DIP2A: variants seen among roughly 807,000 people sequenced by gnomAD.
DIP2A encodes the protein DIP2 acetate--CoA ligase A.
A neutral mutation model predicts 177.4 loss-of-function variants in DIP2A; 85 were observed. The observed-to-expected ratio is 0.48, with a 90% CI of 0.40 to 0.57. The LOEUF (loss-of-function observed/expected upper bound fraction) is 0.57. Ranked by LOEUF, DIP2A falls within the 20% of genes least tolerant of loss-of-function variation. The probability of loss-of-function intolerance (pLI) is 0.00; values close to 1 mark genes in which losing one functional copy is unlikely to be tolerated. For missense variants in DIP2A, 1,791 were observed against 2,100.2 expected (o/e 0.85, Z 2.88); for synonymous variants, 886 against 881.8 (o/e 1.00, Z -0.08).
downstream of DIP2A, among the ~76,000 whole-genome samples, chr21:46,574,058 C>T (rs943915447): frequency 6.6e-6 from 1 of 152,154 alleles, no homozygotes; most frequent in African/African-American, 2.4e-5. Context: ...AATACACATT[C>T]TTCTCAAGTT....
In DIP2A at chr21:46,539,924, G is replaced by T. The variant is rs761154901; in HGVS notation, c.1969G>T (p.Gly657Cys). The T allele has an allele frequency of 3.1e-6, 5 of 1,613,920 alleles. No homozygotes were observed. In the African/African-American group the frequency reaches 4.0e-5, roughly 13 times the overall value. The change falls in exon 17 of 38, where the codon GGT (glycine) becomes TGT (cysteine). Residue 657 changes from glycine to cysteine, a missense_variant. Coordinates refer to ENST00000417564, the MANE Select transcript of DIP2A (RefSeq NM_015151.4). ...DAFLNVFQSRGLRPEVICPCA... is the reference protein window; with the variant it reads ...DAFLNVFQSRCLRPEVICPCA... ...CTTCCTCAACGTCTTCCAGTCCAGA[G>T]GTCTGAGGCCAGAGGTCATCTGTCC...
intron 23 of DIP2A, 77 bp downstream of exon 23, chr21:46,550,821 T>C (rs1348382807): frequency 3.4e-6 from 5 of 1,452,720 alleles, no homozygotes; most frequent in South Asian, 2.4e-5. Flanking sequence ...GGTGCGGCCC[T>C]GCTAGACCTC....
intron 37 of DIP2A, among the ~76,000 whole-genome samples, chr21:46,566,898 T>C (rs2839336): frequency 0.13 from 19,880 of 152,264 alleles, 1,832 homozygotes; most frequent in African/African-American, 0.26. Flanking sequence ...TTCTTGTGGG[T>C]TCTCCCTCTG....
chr21:46,562,700 C>T (rs976676177), intron 34 of DIP2A, among the ~76,000 whole-genome samples: 3 of 152,206 alleles, frequency 2.0e-5, no homozygotes, highest in Admixed American at 6.5e-5. Flanking sequence ...AGTGAGTGAA[C>T]TCACATGCAG....
In DIP2A at chr21:46,534,653, C is replaced by T; in HGVS notation, c.1608C>T (p.Cys536=). The stretch of plus-strand genomic sequence containing the variant: ...CCCACGCATCCCTGCTGGCACAGTG[C>T]CGGGCTCTGACCCAGGCGTGCGGGT... ...TVSHASLLAQ[C]RALTQACGYS... The change falls in exon 13 of 38, where the codon TGC becomes TGT. Residue 536 remains cysteine, a synonymous_variant. Transcript: ENST00000417564. The T allele has an allele frequency of 6.2e-7, 1 of 1,611,862 alleles. No individual in the cohort carries two copies.
chr21:46,522,682 C>T (rs55735202), intron 8 of DIP2A, among the ~76,000 whole-genome samples: 24,167 of 152,094 alleles, frequency 0.16, 2,161 homozygotes, highest in African/African-American at 0.21. Context: ...CACCAGAGCT[C>T]TCTCGTCATG....
chr21:46,481,619 G>C (rs1391933972), intron 1 of DIP2A, among the ~76,000 whole-genome samples: 2 of 152,180 alleles, frequency 1.3e-5, no homozygotes, highest in Non-Finnish European at 2.9e-5. Flanking sequence ...GTCAGCACTT[G>C]ACATTGTCAG....
chr21:46,490,083 T>C (rs1161654626), intron 2 of DIP2A, among the ~76,000 whole-genome samples: 5 of 152,224 alleles, frequency 3.3e-5, no homozygotes, highest in African/African-American at 9.6e-5. Context: ...ATCTTTCTAA[T>C]GCCCCTCTCG....
In DIP2A at chr21:46,545,208, G is replaced by A. The variant is rs553750795; in HGVS notation, c.2248G>A (p.Val750Ile). The A allele has an allele frequency of 3.3e-4, 535 of 1,609,488 alleles. 4 individuals carry two copies. In the South Asian group the frequency reaches 4.8e-3, roughly 14 times the overall value. The change falls in exon 19 of 38, where the codon GTC (valine) becomes ATC (isoleucine). Residue 750 changes from valine (V) to isoleucine (I), a missense_variant. Transcript: ENST00000417564. ...AACTGATGAAGTGGGAGAAATATGC[G>A]TCAGTTCCAGTGCAACTGGCACAGC... ...CKTDEVGEIC[V>I]SSSATGTAYY...
chr21:46,475,327 T>C (rs1380375737), intron 1 of DIP2A, among the ~76,000 whole-genome samples: 1 of 152,242 alleles, frequency 6.6e-6, no homozygotes, highest in Non-Finnish European at 1.5e-5. Flanking sequence ...ATACACAAAC[T>C]TGTTAGCCAA....
intron 32 of DIP2A, among the ~76,000 whole-genome samples, chr21:46,560,510 A>G (rs1198385487): frequency 6.6e-6 from 1 of 152,244 alleles, no homozygotes; most frequent in Non-Finnish European, 1.5e-5. Context: ...TGTTTCGCTC[A>G]ATATTATCAA....
chr21:46,541,517 A>G (rs1159395440), intron 17 of DIP2A, among the ~76,000 whole-genome samples: 1 of 152,194 alleles, frequency 6.6e-6, no homozygotes, highest in Non-Finnish European at 1.5e-5. Context: ...TGGAAGTCAC[A>G]CAGCATCACA....
rs1301182908 is a variant in DIP2A, at chr21:46,538,513, T to C, written c.1832T>C (p.Met611Thr). The C allele has an allele frequency of 6.4e-7, 1 of 1,555,622 alleles. No homozygotes were observed. The highest frequency in any genetic ancestry group is 1.4e-5 in the African/African-American group (1 of 73,498). ...ARAALVKSRDMHWSLLAQRGQ... is the reference protein window; with the variant it reads ...ARAALVKSRDTHWSLLAQRGQ... ...GCCGCGCTGGTGAAGTCGCGAGACA[T>C]GCACTGGTCTCTCCTAGCTCAGCGG... is the stretch of plus-strand genomic sequence containing the variant. Residue 611 changes from methionine to threonine, a missense_variant, in exon 16 of 38, where the codon ATG becomes ACG. By Grantham distance (81) the Met-to-Thr change is moderately conservative. Transcript: ENST00000417564.
intron 1 of DIP2A, among the ~76,000 whole-genome samples, chr21:46,471,196 C>T (rs2148324683): frequency 6.6e-6 from 1 of 152,140 alleles, no homozygotes; most frequent in East Asian, 1.9e-4. Flanking sequence ...ACCGTGCCTA[C>T]TTTTAAAGTT....
intron 8 of DIP2A, among the ~76,000 whole-genome samples, chr21:46,522,687 G>A (rs1006798700): frequency 1.3e-5 from 2 of 152,064 alleles, no homozygotes; most frequent in East Asian, 3.9e-4. Flanking sequence ...GAGCTCTCTC[G>A]TCATGTGAAA....
Position 46,551,709 on chromosome 21 carries a change from T to G in DIP2A, c.2915T>G (p.Leu972Arg). The G allele has an allele frequency of 6.2e-7, 1 of 1,613,926 alleles. No homozygotes were observed. Reference protein sequence around the residue: ...KRIAQASGRELAHLEDSDQAR... With the variant: ...KRIAQASGRERAHLEDSDQAR... ...ATCGCTCAGGCTTCCGGGAGAGAGC[T>G]CGCCCACCTGGAGGACAGCGACCAG... The change falls in exon 24 of 38, where the codon CTC (leucine) becomes CGC (arginine). Residue 972 changes from leucine (L) to arginine (R), a missense_variant. Physicochemically the swap from Leu to Arg is moderately radical, Grantham distance 102. Transcript: ENST00000417564.
Position 46,527,364 on chromosome 21 carries a change from C to T in DIP2A, c.1103-1728C>T, listed in dbSNP as rs542354107. Among the ~76,000 whole-genome samples, 4 of 128,502 alleles carry T rather than the reference C, an allele frequency of 3.1e-5. No homozygotes were observed. The East Asian group carries it at 7.2e-4, about 23-fold the overall frequency. 84.3% of individuals were successfully genotyped at this position (128,502 alleles called of 152,430 possible). ...TTTTTTTGAGAGGGAGTCTCACTCT[C>T]GCCCAGGCTAGAGGACAGTGGCACA... On this transcript the variant is annotated intron_variant, in intron 8 of 37. Coordinates refer to ENST00000417564, the MANE Select transcript of DIP2A (RefSeq NM_015151.4).
chr21:46,572,620 C>A (rs1016738790), downstream of DIP2A, among the ~76,000 whole-genome samples: 2 of 152,148 alleles, frequency 1.3e-5, no homozygotes, highest in East Asian at 3.9e-4. Context: ...CCATATGATG[C>A]CCTGCACTAC....
At chr21:46,503,664 T>TTTC (rs2057813106) in intron 5 of DIP2A, among the ~76,000 whole-genome samples, 2 of 54,180 alleles carry the variant, frequency 3.7e-5, no homozygotes, top group Non-Finnish European at 7.4e-5. Context: ...TCTTTCTTTC[T>TTTC]TTTTCTTTCT....
Sources: gnomAD v4.1 joint callset for allele counts (sites outside exome capture counted in the v4.1 genomes callset) on GRCh38, gnomAD v4.1.1 for gene constraint, MANE v1.5 for transcripts, NCBI Gene and HGNC (gene_info 2026-07-23, HGNC 2026-07-21) for gene names.